C17orf67: variants seen among roughly 807,000 people sequenced by gnomAD.
C17orf67 encodes uncharacterized protein C17orf67.
Under a neutral mutation model 11.2 loss-of-function variants are expected in C17orf67, and 12 were observed. The observed-to-expected ratio is 1.07, with a 90% CI of 0.68 to 1.73. The LOEUF (loss-of-function observed/expected upper bound fraction) is 1.73. C17orf67 is among the 40% of genes most tolerant of loss of function. The pLI, the probability that C17orf67 is intolerant of heterozygous loss-of-function variation, is 0.00. For synonymous variants in C17orf67, 59 were observed against 46.9 expected, an observed-to-expected ratio of 1.26 and a Z score of -1.05; for missense variants, 115 against 113.5, an observed-to-expected ratio of 1.01 and a Z score of -0.06.
Position 56,815,928 on chromosome 17 carries a change from T to C in C17orf67, c.-118A>G, listed in dbSNP as rs535919993. ...ATGCTTTGACTAACGGGACTTACGGTATGATGCTGAATGTATCTGACTCTG... is the reference window on the plus strand; with the variant it reads ...ATGCTTTGACTAACGGGACTTACGGCATGATGCTGAATGTATCTGACTCTG... On this transcript the variant is annotated 5_prime_UTR_variant, in exon 5 of 8. It adds an upstream start codon to the 5' untranslated region. Transcript: ENST00000397861. The C allele has an allele frequency of 6.4e-7, 1 of 1,560,452 alleles. No individual in the cohort carries two copies. The highest frequency in any genetic ancestry group is 1.7e-5 in the Admixed American group (1 of 59,236).
chr17:56,815,907 T>C lies in C17orf67; in HGVS notation c.-97A>G, dbSNP rs1905750430. The C allele has an allele frequency of 1.3e-6, 2 of 1,595,084 alleles. No individual in the cohort carries two copies. The highest frequency in any genetic ancestry group is 3.4e-5 in the Admixed American group (2 of 59,688). ...TGCCAGGCCCTGCGCTTGTTTATGCTTTGACTAACGGGACTTACGGTATGA... is the reference window on the plus strand; with the variant it reads ...TGCCAGGCCCTGCGCTTGTTTATGCCTTGACTAACGGGACTTACGGTATGA... On this transcript the variant is annotated 5_prime_UTR_variant, in exon 5 of 8. Coordinates refer to ENST00000397861, the MANE Select transcript of C17orf67 (RefSeq NM_001085430.4).
intron 2 of C17orf67, among the ~76,000 whole-genome samples, chr17:56,831,144 T>C (rs1303569728): frequency 8.4e-6 from 1 of 119,154 alleles, no homozygotes; most frequent in East Asian, 3.4e-4. Flanking sequence ...GAAGACCAGG[T>C]GGGAGGCTGT....
In C17orf67 at chr17:56,832,685, T is replaced by C. The variant is rs541425850; in HGVS notation, c.-557+213A>G. On this transcript the variant is annotated intron_variant, in intron 2 of 7. Transcript: ENST00000397861. The stretch of plus-strand genomic sequence containing the variant: ...TGAGTTCCTGCTCATCCCCTTCACA[T>C]TCCCTCCTCCTCCCTCTTAAACACC... Among the ~76,000 whole-genome samples the C allele has an allele frequency of 2.0e-5, 3 of 152,190 alleles. No homozygotes were observed. In the East Asian group the frequency reaches 5.8e-4, roughly 29 times the overall value.
intron 6 of C17orf67, among the ~76,000 whole-genome samples, chr17:56,798,596 G>C (rs1408445722): frequency 4.6e-5 from 7 of 152,130 alleles, no homozygotes; most frequent in African/African-American, 1.7e-4. Flanking sequence ...GGGAGGCTGA[G>C]GTGGGCAGAT....
At chr17:56,794,178 G>C (rs983115676) in intron 7 of C17orf67, among the ~76,000 whole-genome samples, 5 of 152,220 alleles carry the variant, frequency 3.3e-5, no homozygotes, top group African/African-American at 1.2e-4. Context: ...AGAGGATCAT[G>C]TGAGGCAATT....
intron 6 of C17orf67, among the ~76,000 whole-genome samples, chr17:56,796,765 T>C (rs1221073292): frequency 6.6e-6 from 1 of 151,986 alleles, no homozygotes; most frequent in Non-Finnish European, 1.5e-5. Context: ...TGCCGCAGAC[T>C]CCTCACCCCT....
chr17:56,813,226 AGCC>A (rs376845162), intron 6 of C17orf67, among the ~76,000 whole-genome samples: 193 of 146,564 alleles, frequency 1.3e-3, no homozygotes, highest in African/African-American at 4.7e-3. Flanking sequence ...CCAACCCGCC[AGCC>A]GCCAACAGGA....
At chr17:56,831,051 G>T (rs1031200852) in intron 2 of C17orf67, among the ~76,000 whole-genome samples, 1 of 152,218 alleles carries the variant, frequency 6.6e-6, no homozygotes, top group South Asian at 2.1e-4. Flanking sequence ...AGGGGTCTGA[G>T]AATGGAGGGG....
chr17:56,794,464 G>A (rs1905170673), intron 7 of C17orf67, among the ~76,000 whole-genome samples: 1 of 152,054 alleles, frequency 6.6e-6, no homozygotes, highest in South Asian at 2.1e-4. Context: ...TCTAGGCACA[G>A]AGGTACAGAG....
intron 6 of C17orf67, among the ~76,000 whole-genome samples, chr17:56,808,913 C>A (rs1201663204): frequency 2.6e-5 from 4 of 152,008 alleles, no homozygotes; most frequent in Admixed American, 6.6e-5. Context: ...ATTTGTTTAC[C>A]CTCATCAATG....
At chr17:56,800,968 A>T (rs1051232253) in intron 6 of C17orf67, among the ~76,000 whole-genome samples, 11 of 152,178 alleles carry the variant, frequency 7.2e-5, no homozygotes, top group Non-Finnish European at 1.5e-4. Context: ...AGAATTACTT[A>T]AGCCCAGGAG....
At chr17:56,817,464 A>AT (rs920174546) in intron 4 of C17orf67, among the ~76,000 whole-genome samples, 4 of 150,054 alleles carry the variant, frequency 2.7e-5, no homozygotes, top group Admixed American at 6.6e-5. Flanking sequence ...ATATAAGTAA[A>AT]TTTTTTTTTT....
intron 4 of C17orf67, among the ~76,000 whole-genome samples, chr17:56,820,392 C>T (rs1177078225): frequency 6.6e-6 from 1 of 152,190 alleles, no homozygotes; most frequent in Non-Finnish European, 1.5e-5. Flanking sequence ...AGGCAGAAAC[C>T]AGCCCTGGAG....
intron 4 of C17orf67, among the ~76,000 whole-genome samples, chr17:56,817,314 T>C (rs988193775): frequency 6.6e-6 from 1 of 152,210 alleles, no homozygotes; most frequent in Non-Finnish European, 1.5e-5. Context: ...TTTATGCTAA[T>C]GTGTAACTGA....
At chr17:56,794,959 A>G (rs1905180987) in intron 7 of C17orf67, 85 bp downstream of exon 7, 4 of 883,970 alleles carry the variant, frequency 4.5e-6, no homozygotes, top group Non-Finnish European at 7.0e-6. Flanking sequence ...CCCCTGAGGC[A>G]TGGTCTGGAA....
chr17:56,822,673 T>C (rs1344532723), intron 4 of C17orf67, among the ~76,000 whole-genome samples: 1 of 152,182 alleles, frequency 6.6e-6, no homozygotes, highest in East Asian at 1.9e-4. Flanking sequence ...TGACTAAAGA[T>C]AGATTAATCA....
At chr17:56,825,960 T>TGTGCGCGCGCGTGTGTGTGC (rs10633404) in intron 2 of C17orf67, among the ~76,000 whole-genome samples, 30 of 150,976 alleles carry the variant, frequency 2.0e-4, no homozygotes, top group Non-Finnish European at 3.0e-4. Context: ...TGTGTGTGTG[T>TGTGCGCGCGCGTGTGTGTGC]GCACGCGTGT....
chr17:56,801,385 G>A (rs149223042), intron 6 of C17orf67, among the ~76,000 whole-genome samples: 271 of 152,210 alleles, frequency 1.8e-3, no homozygotes, highest in African/African-American at 6.2e-3. Context: ...ACAAAGGGTC[G>A]GGTCCACTAT....
intron 4 of C17orf67, among the ~76,000 whole-genome samples, chr17:56,821,636 A>G (rs1905907062): frequency 6.6e-6 from 1 of 152,212 alleles, no homozygotes. Context: ...TGAAATAGAC[A>G]TAGGAAATAT....
Sources: gnomAD v4.1 joint callset for allele counts (sites outside exome capture counted in the v4.1 genomes callset) on GRCh38, gnomAD v4.1.1 for gene constraint, MANE v1.5 for transcripts, NCBI Gene and HGNC (gene_info 2026-07-23, HGNC 2026-07-21) for gene names.